Variants in PCDHAC1 observed in about 807,000 individuals in gnomAD.
PCDHAC1 encodes the protein protocadherin alpha subfamily C, 1.
In PCDHAC1, 42 loss-of-function variants were observed where a neutral mutation model predicts 60.0. The ratio of observed to expected loss-of-function variants is 0.70; its 90% CI spans 0.55 to 0.90. PCDHAC1 has a LOEUF of 0.90. Ranked by LOEUF, PCDHAC1 falls within the 40% of genes least tolerant of loss-of-function variation. The probability of loss-of-function intolerance (pLI) is 0.00; values close to 1 mark genes in which losing one functional copy is unlikely to be tolerated. For missense variants in PCDHAC1, 1,160 were observed against 1,222.3 expected, an observed-to-expected ratio of 0.95 and a Z score of 0.76; for synonymous variants, 468 against 499.3, an observed-to-expected ratio of 0.94 and a Z score of 0.84.
At chr5:140,997,840 A>G (rs2097788062) in intron 3 of PCDHAC1, among the ~76,000 whole-genome samples, 2 of 152,216 alleles carry the variant, frequency 1.3e-5, no homozygotes, top group Non-Finnish European at 2.9e-5. Flanking sequence ...AATACAATAT[A>G]CATTCTTATA....
rs376026810 is a variant in PCDHAC1 at position 140,944,280 on chromosome 5, C to T, written c.2433+14955C>T. 2.0e-4 allele frequency among the ~76,000 whole-genome samples: 31 copies of T among 152,226 alleles called. 1 individual carries two copies. The South Asian group carries it at 2.9e-3, about 14-fold the overall frequency. Reference sequence around the variant, plus strand: ...ACTGCTCACTGCAGCCTTGACACCCCGGGCTCAAGCGATCCTCCTACCTCA... The same window carrying T: ...ACTGCTCACTGCAGCCTTGACACCCTGGGCTCAAGCGATCCTCCTACCTCA... On this transcript the variant is annotated intron_variant, in intron 1 of 3. Coordinates refer to ENST00000253807, the MANE Select transcript of PCDHAC1 (RefSeq NM_018898.5).
At chr5:140,935,402 A>T (rs1297077002) in intron 1 of PCDHAC1, among the ~76,000 whole-genome samples, 2 of 152,212 alleles carry the variant, frequency 1.3e-5, no homozygotes, top group Non-Finnish European at 2.9e-5. Flanking sequence ...ACGGGACTCA[A>T]ACAATGGACT....
intron 3 of PCDHAC1, among the ~76,000 whole-genome samples, chr5:141,005,512 G>C (rs1015892170): frequency 6.6e-6 from 1 of 151,536 alleles, no homozygotes; most frequent in Non-Finnish European, 1.5e-5. Flanking sequence ...GACCATCCTG[G>C]CTAACACGGT....
chr5:140,927,236 T>A lies in PCDHAC1; in HGVS notation c.344T>A (p.Leu115Gln). The A allele has an allele frequency of 1.9e-6, 3 of 1,614,120 alleles. No homozygotes were observed. The highest frequency in any genetic ancestry group is 2.5e-6 in the Non-Finnish European group (3 of 1,180,022). ...LELHKIRIHV[L>Q]DTNDNSPLFP... ...CTGCACAAGATTCGGATTCACGTCC[T>A]GGACACCAATGACAACTCACCTCTC... The change falls in exon 1 of 4, where the codon CTG becomes CAG. Residue 115 changes from leucine to glutamine, a missense_variant. By Grantham distance (113) the Leu-to-Gln change is moderately radical (BLOSUM62 -2). Around this residue, in one of 3 missense-constraint regions of PCDHAC1, gnomAD observed 1,113 missense variants for 1,163.7 expected, o/e 0.96. Transcript: ENST00000253807.
At chr5:140,942,757 T>C (rs2093364947) in intron 1 of PCDHAC1, among the ~76,000 whole-genome samples, 1 of 152,174 alleles carries the variant, frequency 6.6e-6, no homozygotes, top group South Asian at 2.1e-4. Context: ...ATAAATGAGA[T>C]GGCATAATGT....
intron 1 of PCDHAC1, among the ~76,000 whole-genome samples, chr5:140,937,861 G>A (rs1159207693): frequency 6.6e-6 from 1 of 150,994 alleles, no homozygotes; most frequent in African/African-American, 2.4e-5. Context: ...GGAGTGAGCC[G>A]AGATCGCGCC....
At chr5:141,004,839 C>G (rs1168305271) in intron 3 of PCDHAC1, among the ~76,000 whole-genome samples, 1 of 152,168 alleles carries the variant, frequency 6.6e-6, no homozygotes, top group Non-Finnish European at 1.5e-5. Context: ...AGATCAAAGT[C>G]ATTAGTCTCA....
chr5:140,958,915 G>T (rs1162016056), intron 1 of PCDHAC1, among the ~76,000 whole-genome samples: 13 of 150,674 alleles, frequency 8.6e-5, no homozygotes, highest in Non-Finnish European at 1.8e-4. Flanking sequence ...AAGTCTGCCT[G>T]GGTGTGGTGG....
rs748166275 is a variant in PCDHAC1 at position 140,954,138 on chromosome 5, T to C, written c.2434-24811T>C. Among the ~76,000 whole-genome samples the C allele has an allele frequency of 5.9e-4, 90 of 152,260 alleles. 1 individual carries two copies. The highest frequency in any genetic ancestry group is 6.5e-4 in the Admixed American group (10 of 15,282). On this transcript the variant is annotated intron_variant, in intron 1 of 3. Coordinates refer to ENST00000253807, the MANE Select transcript of PCDHAC1 (RefSeq NM_018898.5). The stretch of plus-strand genomic sequence containing the variant: ...CTTGTTCCTTTTTATGGATGCATAG[T>C]ATTCCATGGTGTATATGTACCACAT...
chr5:140,978,406 T>C (rs1268497033), intron 1 of PCDHAC1, among the ~76,000 whole-genome samples: 1 of 152,206 alleles, frequency 6.6e-6, no homozygotes, highest in African/African-American at 2.4e-5. Context: ...CCCTCTTCAA[T>C]CAGAAAAGAG....
intron 1 of PCDHAC1, among the ~76,000 whole-genome samples, chr5:140,961,023 A>G (rs1216128174): frequency 6.6e-6 from 1 of 152,146 alleles, no homozygotes. Flanking sequence ...GACACTTGCT[A>G]CCTCCTTGTT....
At chr5:141,002,184 T>A (rs1554258557) in intron 3 of PCDHAC1, among the ~76,000 whole-genome samples, 1 of 152,218 alleles carries the variant, frequency 6.6e-6, no homozygotes, top group East Asian at 1.9e-4. Flanking sequence ...CAGAGTGCTG[T>A]CTGGCAAGAT....
intron 1 of PCDHAC1, among the ~76,000 whole-genome samples, chr5:140,964,480 C>T (rs2095835890): frequency 6.6e-6 from 1 of 152,122 alleles, no homozygotes; most frequent in Non-Finnish European, 1.5e-5. Flanking sequence ...GATTTTTTCA[C>T]AGTCACAGGT....
chr5:140,940,643 T>A (rs2092660320), intron 1 of PCDHAC1, among the ~76,000 whole-genome samples: 1 of 152,226 alleles, frequency 6.6e-6, no homozygotes, highest in Non-Finnish European at 1.5e-5. Flanking sequence ...TGTCATTTAT[T>A]TATTTAAATA....
In PCDHAC1 at chr5:141,010,358, C is replaced by G; in HGVS notation, c.*421C>G. 1 of 1,488,620 alleles carries G rather than the reference C, an allele frequency of 6.7e-7. No homozygotes were observed. The highest frequency in any genetic ancestry group is 1.3e-5 in the South Asian group (1 of 76,158). 92.2% of individuals were successfully genotyped at this position (1,488,620 alleles called of 1,614,324 possible). On this transcript the variant is annotated 3_prime_UTR_variant, in exon 4 of 4. Transcript: ENST00000253807. ...GTGGCCACTGGGTATGTGTGGCTAC[C>G]GCGGGTATGCGAGTGCCAGATATTG...
rs1459343581 is a variant in PCDHAC1 at position 141,012,230 on chromosome 5, A to G, written c.*2293A>G. 1.3e-5 allele frequency: 2 copies of G among 153,766 alleles called. No individual in the cohort carries two copies. The highest frequency in any genetic ancestry group is 6.5e-5 in the Admixed American group (1 of 15,278). 9.5% of individuals were successfully genotyped at this position (153,766 alleles called of 1,614,324 possible). On this transcript the variant is annotated 3_prime_UTR_variant, in exon 4 of 4. Transcript: ENST00000253807. ...ACATTTGCGAAGTGCTTTCCAATCC[A>G]TGTTAGTTACTAGTTATTACAGCTG...
chr5:141,004,948 C>G (rs1356526927), intron 3 of PCDHAC1, among the ~76,000 whole-genome samples: 1 of 152,236 alleles, frequency 6.6e-6, no homozygotes, highest in Non-Finnish European at 1.5e-5. Context: ...TTCTTACCCT[C>G]TCTCGTCACT....
Position 140,927,582 on chromosome 5 carries a change from G to C in PCDHAC1, c.690G>C (p.Ala230=), listed in dbSNP as rs1554204771. The change falls in exon 1 of 4, where the codon GCG becomes GCC. Residue 230 remains alanine, a synonymous_variant. Transcript: ENST00000253807. ...TIIVVDTNDN[A]PVFERSVYRT... is the part of the protein sequence containing the mutation. ...TTGTGGTGGACACAAATGACAACGC[G>C]CCTGTATTTGAGCGCTCCGTATACC... 2 of 1,614,174 alleles carry C rather than the reference G, an allele frequency of 1.2e-6. No homozygotes were observed. The highest frequency in any genetic ancestry group is 8.5e-7 in the Non-Finnish European group (1 of 1,180,042).
At chr5:140,966,790 T>C in intron 1 of PCDHAC1, 1 of 1,529,556 alleles carries the variant, frequency 6.5e-7, no homozygotes, top group Non-Finnish European at 8.8e-7. Context: ...GCACCAGACC[T>C]GCGGCGACAG....
Sources: gnomAD v4.1 joint callset for allele counts (sites outside exome capture counted in the v4.1 genomes callset) on GRCh38, gnomAD v4.1.1 for gene constraint, gnomAD v4.1.1 regional missense constraint, MANE v1.5 for transcripts, NCBI Gene and HGNC (gene_info 2026-07-23, HGNC 2026-07-21) for gene names.